INPP4B: variants seen among roughly 807,000 people sequenced by gnomAD.
The protein encoded by INPP4B is inositol polyphosphate 4-phosphatase type II.
In INPP4B, 55 loss-of-function variants were observed where a neutral mutation model predicts 122.5. That is an observed-to-expected ratio of 0.45 (90% CI 0.36 to 0.56). The LOEUF (loss-of-function observed/expected upper bound fraction) is 0.56, where lower values mean the gene tolerates loss of function less well. INPP4B is among the 20% of genes least tolerant of loss of function. The probability of loss-of-function intolerance (pLI) is 0.00; values close to 1 mark genes in which losing one functional copy is unlikely to be tolerated. For missense variants in INPP4B, 1,000 were observed against 1,097.7 expected, an observed-to-expected ratio of 0.91 and a Z score of 1.26; for synonymous variants, 403 against 388.7, an observed-to-expected ratio of 1.04 and a Z score of -0.43.
intron 20 of INPP4B, among the ~76,000 whole-genome samples, chr4:142,122,467 G>C (rs773525463): frequency 4.6e-5 from 7 of 152,044 alleles, no homozygotes; most frequent in Non-Finnish European, 8.8e-5. Context: ...TTGAGGGAAG[G>C]AAGAACGTGG....
intron 2 of INPP4B, among the ~76,000 whole-genome samples, chr4:142,655,329 G>A (rs932086508): frequency 6.6e-6 from 1 of 152,054 alleles, no homozygotes; most frequent in Non-Finnish European, 1.5e-5. Context: ...CATTTACAGG[G>A]AATAGATTAA....
At chr4:142,431,850 C>T (rs1809394147) in intron 3 of INPP4B, among the ~76,000 whole-genome samples, 1 of 152,066 alleles carries the variant, frequency 6.6e-6, no homozygotes, top group African/African-American at 2.4e-5. Context: ...AATAATTTGG[C>T]ATGACATTCT....
At chr4:142,104,128 T>C (rs916154395) in intron 23 of INPP4B, among the ~76,000 whole-genome samples, 5 of 152,044 alleles carry the variant, frequency 3.3e-5, no homozygotes, top group Admixed American at 2.6e-4. Flanking sequence ...GCACAAAAGA[T>C]ATGGGCATTA....
intron 1 of INPP4B, among the ~76,000 whole-genome samples, chr4:142,832,911 A>T (rs1314048687): frequency 6.6e-6 from 1 of 152,224 alleles, no homozygotes; most frequent in Non-Finnish European, 1.5e-5. Flanking sequence ...TATTAAAATA[A>T]AAACACTGTC....
chr4:142,241,813 G>T (rs1057189145), intron 11 of INPP4B, among the ~76,000 whole-genome samples: 5 of 152,006 alleles, frequency 3.3e-5, no homozygotes, highest in Non-Finnish European at 7.4e-5. Context: ...AGGGTCCAGG[G>T]GATAATCAAA....
chr4:142,411,160 GCAAACTTGA>G (rs1208749268), intron 5 of INPP4B, among the ~76,000 whole-genome samples: 1 of 152,158 alleles, frequency 6.6e-6, no homozygotes, highest in African/African-American at 2.4e-5. Flanking sequence ...AATGGAGAAA[GCAAACTTGA>G]CTTTCTCTCT....
chr4:142,585,857 T>TATTATTATTATTATC (rs1289192252), intron 2 of INPP4B, among the ~76,000 whole-genome samples: 2 of 149,050 alleles, frequency 1.3e-5, no homozygotes, highest in Admixed American at 6.7e-5. Flanking sequence ...TTATTATTAT[T>TATTATTATTATTATC]ATTATTATTA....
intron 9 of INPP4B, among the ~76,000 whole-genome samples, chr4:142,272,657 G>T (rs1406561462): frequency 6.6e-6 from 1 of 151,916 alleles, no homozygotes; most frequent in Non-Finnish European, 1.5e-5. Context: ...GTTTTCCAGT[G>T]TGTCATATTC....
At chr4:142,720,769 C>CATATATATAA (rs1560996489) in intron 2 of INPP4B, among the ~76,000 whole-genome samples, 1 of 13,616 alleles carries the variant, frequency 7.3e-5, no homozygotes, top group African/African-American at 2.9e-4. Context: ...TAATCTCTCT[C>CATATATATAA]TCTCTCTCTC....
intron 16 of INPP4B, among the ~76,000 whole-genome samples, chr4:142,167,795 A>AT (rs1005738770): frequency 4.6e-5 from 7 of 151,696 alleles, no homozygotes; most frequent in Admixed American, 4.0e-4. Flanking sequence ...CATATTTACC[A>AT]TTTTTGGCAT....
intron 1 of INPP4B, among the ~76,000 whole-genome samples, chr4:142,808,772 TA>T (rs1779155302): frequency 6.6e-6 from 1 of 152,146 alleles, no homozygotes; most frequent in Non-Finnish European, 1.5e-5. Context: ...AATGTTAGAA[TA>T]TTTATTTATA....
chr4:142,649,255 AG>A (rs1752437840), intron 2 of INPP4B, among the ~76,000 whole-genome samples: 1 of 152,228 alleles, frequency 6.6e-6, no homozygotes, highest in South Asian at 2.1e-4. Context: ...AAAACCACAA[AG>A]ATGGGGAGAA....
At chr4:142,580,410 T>C (rs1278226708) in intron 2 of INPP4B, among the ~76,000 whole-genome samples, 17 of 152,034 alleles carry the variant, frequency 1.1e-4, no homozygotes. Context: ...CTCTTTATGT[T>C]ACTTCCTGTT....
Position 142,674,647 on chromosome 4 carries a change from C to T in INPP4B, c.-191+51192G>A, listed in dbSNP as rs375282821. ...AAAGTAAAACACTCCTCAGCAAGTG[C>T]AAAAGAATGGAAATTATAACAGTCT... On this transcript the variant is annotated intron_variant, in intron 2 of 25. Transcript: ENST00000262992. Among the ~76,000 whole-genome samples the T allele has an allele frequency of 2.6e-5, 4 of 152,088 alleles. No individual in the cohort carries two copies. In the East Asian group the frequency reaches 5.8e-4, roughly 22 times the overall value.
At position 142,257,842 on chromosome 4, in the gene INPP4B, G is replaced by GA. The variant is rs1436609120; in HGVS notation, c.688+2649dup. On this transcript the variant is annotated intron_variant, in intron 11 of 25. Coordinates refer to ENST00000262992, the MANE Select transcript of INPP4B (RefSeq NM_001101669.3). ...ACAAATGACTTTCTTCACAGAATTG[G>GA]AAAAAACTACTTTCAAGTTCATATG... 9.9e-5 allele frequency among the ~76,000 whole-genome samples: 15 copies of GA among 152,064 alleles called. No individual in the cohort carries two copies. The East Asian group carries it at 2.3e-3, about 24-fold the overall frequency.
Position 142,282,713 on chromosome 4 carries a change from C to T in INPP4B, c.504-11939G>A, listed in dbSNP as rs555490320. ...GGCAGTTCACATGGTGGTTTGCCTCCTCAAGGTCAGAATTTCCATCTCCAG... is the reference window on the plus strand; with the variant it reads ...GGCAGTTCACATGGTGGTTTGCCTCTTCAAGGTCAGAATTTCCATCTCCAG... On this transcript the variant is annotated intron_variant, in intron 9 of 25. Coordinates refer to ENST00000262992, the MANE Select transcript of INPP4B (RefSeq NM_001101669.3). 4.6e-5 allele frequency among the ~76,000 whole-genome samples: 7 copies of T among 152,186 alleles called. No individual in the cohort carries two copies. The South Asian group carries it at 1.5e-3, about 32-fold the overall frequency.
chr4:142,640,294 A>G (rs1193646743), intron 2 of INPP4B, among the ~76,000 whole-genome samples: 4 of 152,158 alleles, frequency 2.6e-5, no homozygotes, highest in Non-Finnish European at 4.4e-5. Flanking sequence ...ATTGGAAATT[A>G]AGACTTATTA....
chr4:142,434,860 C>T, intron 3 of INPP4B, among the ~76,000 whole-genome samples: 1 of 151,988 alleles, frequency 6.6e-6, no homozygotes, highest in South Asian at 2.1e-4. Context: ...TGGGCCACAC[C>T]TAAAATGCAC....
intron 1 of INPP4B, among the ~76,000 whole-genome samples, chr4:142,783,503 C>T (rs1000473765): frequency 2.6e-5 from 4 of 152,042 alleles, no homozygotes; most frequent in Non-Finnish European, 4.4e-5. Flanking sequence ...TGGGGAGTAC[C>T]GAAGCACCAC....
Sources: allele counts gnomAD v4.1 joint callset (sites outside exome capture counted in the v4.1 genomes callset), GRCh38; gene constraint gnomAD v4.1.1; transcripts MANE v1.5; gene names NCBI Gene and HGNC (gene_info 2026-07-23, HGNC 2026-07-21).